Variants in HCN2 observed in about 807,000 individuals in gnomAD.
HCN2 encodes hyperpolarization activated cyclic nucleotide gated potassium and sodium channel 2, also known as potassium/sodium hyperpolarization-activated cyclic nucleotide-gated channel 2.
Under a neutral mutation model 52.3 loss-of-function variants are expected in HCN2, and 20 were observed. The observed-to-expected ratio is 0.38, with a 90% CI of 0.27 to 0.56. The LOEUF (loss-of-function observed/expected upper bound fraction) is 0.56, where lower values mean the gene tolerates loss of function less well. Ranked by LOEUF, HCN2 falls within the 20% of genes least tolerant of loss-of-function variation. HCN2 has a pLI of 0.71. For synonymous variants in HCN2, 694 were observed against 537.0 expected (o/e 1.29, Z -4.04); for missense variants, 981 against 1,207.7 (o/e 0.81, Z 2.78).
Position 616,865 on chromosome 19 carries a change from G to C in HCN2, c.*391G>C, listed in dbSNP as rs538129903. 1 of 231,158 alleles carries C rather than the reference G, an allele frequency of 4.3e-6. No individual in the cohort carries two copies. The highest frequency in any genetic ancestry group is 5.8e-5 in the South Asian group (1 of 17,374). The allele number at this position is 231,158 out of a possible 1,614,324, so 14.3% of individuals were successfully genotyped here. ...CCGTCCGAGGAGGATCGTTTTCTAAGTGCAATACTTGGCCCGCCGGCTTCC... is the reference window on the plus strand; with the variant it reads ...CCGTCCGAGGAGGATCGTTTTCTAACTGCAATACTTGGCCCGCCGGCTTCC... On this transcript the variant is annotated 3_prime_UTR_variant, in exon 8 of 8. Transcript: ENST00000251287.
At position 612,393 on chromosome 19, in the gene HCN2, G is replaced by GGTGTGTGTGTGT. The variant is rs140326049; in HGVS notation, c.1585-831_1585-820dup. ...GTCTGACCGAATGTAGCTTTCCACT[G>GGTGTGTGTGTGT]GTGTGTGTGTGTGTGTGTGTGTGTG... is the stretch of plus-strand genomic sequence containing the variant. On this transcript the variant is annotated intron_variant, in intron 5 of 7. Transcript: ENST00000251287. 6.3e-3 allele frequency among the ~76,000 whole-genome samples: 893 copies of GGTGTGTGTGTGT among 141,846 alleles called. 5 individuals carry two copies. The highest frequency in any genetic ancestry group is 0.013 in the South Asian group (57 of 4,312). The allele number at this position is 141,846 out of a possible 152,430, so 93.1% of individuals were successfully genotyped here.
intron 6 of HCN2, 45 bp from the exon 7 acceptor site, chr19:613,807 G>A (rs755031498): frequency 1.0e-5 from 15 of 1,453,714 alleles, no homozygotes; most frequent in African/African-American, 4.7e-5. Flanking sequence ...GGAGGGCCGC[G>A]GCGCCCGCCT....
At chr19:603,294 CA>C (rs1244654196) in intron 1 of HCN2, among the ~76,000 whole-genome samples, 13 of 97,330 alleles carry the variant, frequency 1.3e-4, no homozygotes, top group South Asian at 1.1e-3. Context: ...GAGGTGTGGG[CA>C]CCCTCGCCCC....
Position 616,057 on chromosome 19 carries a change from G to A in HCN2, c.2253G>A (p.Ala751=). 2 of 1,189,894 alleles carry A rather than the reference G, an allele frequency of 1.7e-6. No individual in the cohort carries two copies. 73.7% of individuals were successfully genotyped at this position (1,189,894 alleles called of 1,614,324 possible). Reference sequence around the variant, plus strand: ...CGCGGCCGCTCGTGGGGCCGCTGGCGCTCGGCTCGCCGCGCCTCGTGCGCC... The same window carrying A: ...CGCGGCCGCTCGTGGGGCCGCTGGCACTCGGCTCGCCGCGCCTCGTGCGCC... The part of the protein sequence containing the change: ...QVARPLVGPL[A]LGSPRLVRRP... Residue 751 remains alanine, a synonymous_variant, in exon 8 of 8, where the codon GCG becomes GCA. Coordinates refer to ENST00000251287, the MANE Select transcript of HCN2 (RefSeq NM_001194.4).
chr19:608,233 G>C (rs1983488758), intron 4 of HCN2, 51 bp downstream of exon 4: 4 of 1,531,216 alleles, frequency 2.6e-6, no homozygotes, highest in Non-Finnish European at 3.6e-6. Context: ...AGGCGGGCCT[G>C]GATCTGGGGT....
intron 1 of HCN2, among the ~76,000 whole-genome samples, chr19:593,283 A>G (rs1982927133): frequency 2.0e-5 from 3 of 152,242 alleles, no homozygotes; most frequent in Admixed American, 2.0e-4. Flanking sequence ...ACGTGGGTCC[A>G]GATTTCGGCT....
At chr19:612,836 G>A (rs1372690029) in intron 5 of HCN2, among the ~76,000 whole-genome samples, 2 of 132,126 alleles carry the variant, frequency 1.5e-5, no homozygotes, top group African/African-American at 6.7e-5. Flanking sequence ...GCACCACCAC[G>A]CCTGGCTGTT....
Position 591,011 on chromosome 19 carries a change from C to G in HCN2, c.632+434C>G, listed in dbSNP as rs1458705346. On this transcript the variant is annotated intron_variant, in intron 1 of 7. Transcript: ENST00000251287. This position sits in a 1 kb window ranked among gnomAD's most constrained non-coding sequence, Gnocchi z 4.1. ...AGAGGGGGTTAAGCGGCTCCCACGG[C>G]GTCCACCCGCGCCCCGCCTGCGAGG... The G allele has an allele frequency of 6.6e-6, 1 of 152,382 alleles. No homozygotes were observed. The highest frequency in any genetic ancestry group is 2.4e-5 in the African/African-American group (1 of 41,444). The allele number at this position is 152,382 out of a possible 1,614,324, so 9.4% of individuals were successfully genotyped here.
chr19:613,156 G>A, intron 5 of HCN2, 92 bp from the exon 6 acceptor site: 1 of 1,446,688 alleles, frequency 6.9e-7, no homozygotes, highest in Non-Finnish European at 9.3e-7. Context: ...CGAGGAAACT[G>A]GGGTCCGAGA....
Position 613,829 on chromosome 19 carries a change from C to T in HCN2, c.1826-23C>T, listed in dbSNP as rs765523032. On this transcript the variant is annotated intron_variant, in intron 6 of 7. Transcript: ENST00000251287. ...CGCGGCGCCCGCCTCGTCCAGCAAC[C>T]CCCCCCTGCGCGCCACGTGCAGAGA... is the stretch of plus-strand genomic sequence containing the variant. The T allele has an allele frequency of 2.5e-5, 36 of 1,428,124 alleles. No homozygotes were observed. In the South Asian group the frequency reaches 3.9e-4, roughly 16 times the overall value. The allele number at this position is 1,428,124 out of a possible 1,614,324, so 88.5% of individuals were successfully genotyped here.
chr19:609,278 G>A (rs1165325210), intron 4 of HCN2, among the ~76,000 whole-genome samples: 1 of 152,220 alleles, frequency 6.6e-6, no homozygotes, highest in Non-Finnish European at 1.5e-5. Context: ...GGGGACAGCA[G>A]GGCCTGGCAC....
intron 1 of HCN2, among the ~76,000 whole-genome samples, chr19:599,727 G>A (rs942792030): frequency 2.0e-5 from 3 of 152,100 alleles, no homozygotes; most frequent in Non-Finnish European, 4.4e-5. Context: ...GGCGGAGCTT[G>A]CAGTGAGCCG....
chr19:617,006 C>A lies in HCN2; in HGVS notation c.*532C>A, dbSNP rs1364141053. ...TCCAGCACTGGCACCGAGAGGCAGGCCTGGCTGCGCAGGGCGCGGGGGGGA... is the reference window on the plus strand; with the variant it reads ...TCCAGCACTGGCACCGAGAGGCAGGACTGGCTGCGCAGGGCGCGGGGGGGA... On this transcript the variant is annotated 3_prime_UTR_variant, in exon 8 of 8. Coordinates refer to ENST00000251287, the MANE Select transcript of HCN2 (RefSeq NM_001194.4). 2.8e-5 allele frequency: 14 copies of A among 494,350 alleles called. No individual in the cohort carries two copies. Among genetic ancestry groups the A allele is most frequent in the Non-Finnish European group, 4.8e-5 (13 of 268,576 alleles). 30.6% of individuals were successfully genotyped at this position (494,350 alleles called of 1,614,324 possible).
chr19:616,497 CCCAGGCGGGCCGGGGGCGGGGCCGTCAT>C lies in HCN2; in HGVS notation c.*28_*55del, dbSNP rs1983935124. 8.3e-7 allele frequency: 1 copy of C among 1,204,796 alleles called. No homozygotes were observed. Among genetic ancestry groups the C allele is most frequent in the Non-Finnish European group, 1.0e-6 (1 of 966,818 alleles). The allele number at this position is 1,204,796 out of a possible 1,614,324, so 74.6% of individuals were successfully genotyped here. ...TGACCCTCGCCGACCGCCCCGCGGG[CCCAGGCGGGCCGGGGGCGGGGCCGTCAT>C]CCAGACCAAAGCCATGCCATTGCGC... On this transcript the variant is annotated 3_prime_UTR_variant, in exon 8 of 8. Transcript: ENST00000251287.
At chr19:608,567 A>G (rs1272267646) in intron 4 of HCN2, among the ~76,000 whole-genome samples, 1 of 139,506 alleles carries the variant, frequency 7.2e-6, no homozygotes, top group East Asian at 2.1e-4. Flanking sequence ...GGAGGTCCAG[A>G]GCCTGGAGAT....
At position 616,514 on chromosome 19, in the gene HCN2, C is replaced by T. The variant is rs1055255306; in HGVS notation, c.*40C>T. On this transcript the variant is annotated 3_prime_UTR_variant, in exon 8 of 8. Coordinates refer to ENST00000251287, the MANE Select transcript of HCN2 (RefSeq NM_001194.4). ...CCCGCGGGCCCAGGCGGGCCGGGGG[C>T]GGGGCCGTCATCCAGACCAAAGCCA... The T allele has an allele frequency of 2.0e-4, 233 of 1,157,686 alleles. No homozygotes were observed. The African/African-American group carries it at 3.5e-3, about 18-fold the overall frequency. 71.7% of individuals were successfully genotyped at this position (1,157,686 alleles called of 1,614,324 possible). A position where few individuals can be genotyped will look rare whatever the true frequency, so the allele number is the denominator to read the frequency against.
chr19:615,673 A>AATGC, intron 7 of HCN2, 122 bp from the exon 8 acceptor site: 1 of 876,096 alleles, frequency 1.1e-6, no homozygotes, highest in South Asian at 1.4e-5. Context: ...GTAGGTGGTA[A>AATGC]ATGCATGCTT....
At chr19:599,847 CGTGTGTGTGTGT>C (rs34793549) in intron 1 of HCN2, among the ~76,000 whole-genome samples, 5,133 of 133,362 alleles carry the variant, frequency 0.038, 109 homozygotes, top group East Asian at 0.052. Flanking sequence ...GAAGGGGTCC[CGTGTGTGTGTGT>C]GTGTGTGTGT....
intron 3 of HCN2, 73 bp from the exon 4 acceptor site, chr19:607,891 T>C: frequency 8.5e-7 from 1 of 1,175,030 alleles, no homozygotes; most frequent in Non-Finnish European, 1.2e-6. Flanking sequence ...GGGTGGGCGC[T>C]GGGCCCTTGA....
Sources: allele counts gnomAD v4.1 joint callset (sites outside exome capture counted in the v4.1 genomes callset), GRCh38; gene constraint gnomAD v4.1.1; non-coding constraint Gnocchi (gnomAD v3.1); transcripts MANE v1.5; gene names NCBI Gene and HGNC (gene_info 2026-07-23, HGNC 2026-07-21).